SLC39A8: variants seen among roughly 807,000 people sequenced by gnomAD.
SLC39A8 encodes the protein solute carrier family 39 member 8.
In SLC39A8, 15 loss-of-function variants were observed where a neutral mutation model predicts 40.4. That is an observed-to-expected ratio of 0.37 (90% CI 0.25 to 0.57). The LOEUF is 0.57. Among genes scored for constraint, SLC39A8 ranks in the 20% least tolerant of loss-of-function variants. The pLI is 0.75. For synonymous variants in SLC39A8, 223 were observed against 221.6 expected (o/e 1.01, Z -0.06); for missense variants, 472 against 558.8 (o/e 0.84, Z 1.57).
At chr4:102,275,589 A>G (rs893528249) in intron 6 of SLC39A8, among the ~76,000 whole-genome samples, 7 of 152,200 alleles carry the variant, frequency 4.6e-5, no homozygotes, top group African/African-American at 1.2e-4. Context: ...ACAGAAAATT[A>G]ACAAGGATAT....
rs1197781025 is a variant in SLC39A8 at position 102,262,541 on chromosome 4, T to C, written c.*503A>G. The C allele has an allele frequency of 2.0e-6, 2 of 985,292 alleles. No homozygotes were observed. The highest frequency in any genetic ancestry group is 3.5e-5 in the African/African-American group (2 of 57,232). The allele number at this position is 985,292 out of a possible 1,614,324, so 61.0% of individuals were successfully genotyped here. On this transcript the variant is annotated 3_prime_UTR_variant, in exon 9 of 9. Coordinates refer to ENST00000356736, the MANE Select transcript of SLC39A8 (RefSeq NM_001135146.2). The stretch of plus-strand genomic sequence containing the variant: ...AGAAATCTTTTTTTTCTTTGGCTCC[T>C]TAAAGACTTGGAATAATTTATATTA...
chr4:102,251,776 T>C (rs1288594922), exon 12 of SLC39A8: 2 of 152,228 alleles, frequency 1.3e-5, no homozygotes, highest in Non-Finnish European at 2.9e-5. Context: ...TACAGAATTC[T>C]CTCAGTTCCA....
intron 4 of SLC39A8, 74 bp downstream of exon 4, chr4:102,307,362 G>T (rs1734225112): frequency 3.3e-6 from 5 of 1,527,032 alleles, no homozygotes; most frequent in South Asian, 2.4e-5. Context: ...AATTATGGAG[G>T]CTAAAAACAT....
At chr4:102,312,418 G>A (rs902012691) in intron 3 of SLC39A8, among the ~76,000 whole-genome samples, 1 of 152,002 alleles carries the variant, frequency 6.6e-6, no homozygotes, top group African/African-American at 2.4e-5. Context: ...TTATGACTTT[G>A]TAGTGTTGTC....
intron 6 of SLC39A8, among the ~76,000 whole-genome samples, chr4:102,279,582 T>C (rs1470969543): frequency 6.6e-6 from 1 of 152,068 alleles, no homozygotes; most frequent in African/African-American, 2.4e-5. Flanking sequence ...ACTCATCCAG[T>C]CAAGGTGATG....
intron 3 of SLC39A8, among the ~76,000 whole-genome samples, chr4:102,312,693 A>G (rs1357703379): frequency 6.6e-6 from 1 of 152,154 alleles, no homozygotes; most frequent in Non-Finnish European, 1.5e-5. Context: ...AGACCTAACT[A>G]ACAGGCCTAC....
rs771819293 is a variant in SLC39A8, at chr4:102,267,528, C to A, written c.1195G>T (p.Ala399Ser). ...NFAPNIIFAL[A>S]GGMFLYISLA... is the part of the protein sequence containing the mutation. Reference sequence around the variant, plus strand: ...GAAATATAGAGGAACATGCCTCCAGCAAGTGCAAATATAATATTTGGAGCG... The same window carrying A: ...GAAATATAGAGGAACATGCCTCCAGAAAGTGCAAATATAATATTTGGAGCG... Residue 399 changes from alanine (A) to serine (S), a missense_variant, in exon 8 of 9, where the codon GCT becomes TCT. By Grantham distance (99) the Ala-to-Ser change is moderately conservative. Coordinates refer to ENST00000356736, the MANE Select transcript of SLC39A8 (RefSeq NM_001135146.2). 1.2e-6 allele frequency: 2 copies of A among 1,613,032 alleles called. No individual in the cohort carries two copies. Among genetic ancestry groups the A allele is most frequent in the Non-Finnish European group, 1.7e-6 (2 of 1,179,690 alleles).
intron 6 of SLC39A8, among the ~76,000 whole-genome samples, chr4:102,281,327 C>T (rs1732859034): frequency 6.6e-6 from 1 of 152,134 alleles, no homozygotes; most frequent in Non-Finnish European, 1.5e-5. Context: ...CAGAATAATT[C>T]ATATGAGAAA....
chr4:102,326,895 T>G (rs1004862097), intron 2 of SLC39A8, among the ~76,000 whole-genome samples: 2 of 152,172 alleles, frequency 1.3e-5, no homozygotes, highest in Non-Finnish European at 2.9e-5. Flanking sequence ...TTGTTTCTAC[T>G]GATGCATCAC....
At position 102,263,851 on chromosome 4, in the gene SLC39A8, G is replaced by A. The variant is rs550238188; in HGVS notation, c.1234-658C>T. 7.9e-5 allele frequency among the ~76,000 whole-genome samples: 12 copies of A among 152,226 alleles called. No individual in the cohort carries two copies. The South Asian group carries it at 8.3e-4, about 11-fold the overall frequency. On this transcript the variant is annotated intron_variant, in intron 8 of 8. Transcript: ENST00000356736. ...TCAAGAAATCACTGTTTGTTCCTCC[G>A]TAAGAAGCAACCCCTCATTCATTCT...
At chr4:102,281,194 A>G (rs1224395418) in intron 6 of SLC39A8, among the ~76,000 whole-genome samples, 1 of 152,178 alleles carries the variant, frequency 6.6e-6, no homozygotes, top group East Asian at 1.9e-4. Context: ...TCTTAAAGGG[A>G]TTCAGGAGGC....
intron 2 of SLC39A8, among the ~76,000 whole-genome samples, chr4:102,316,736 A>G (rs764699464): frequency 6.6e-6 from 1 of 152,176 alleles, no homozygotes; most frequent in Non-Finnish European, 1.5e-5. Flanking sequence ...ATAAGACCTT[A>G]GCTATGTACT....
chr4:102,317,525 A>G (rs1459346950), intron 2 of SLC39A8, among the ~76,000 whole-genome samples: 1 of 152,168 alleles, frequency 6.6e-6, no homozygotes, highest in East Asian at 1.9e-4. Context: ...GGGAGAAAAT[A>G]CCTCAAGATT....
chr4:102,330,549 A>C (rs1735404619), intron 2 of SLC39A8, among the ~76,000 whole-genome samples: 1 of 152,172 alleles, frequency 6.6e-6, no homozygotes, highest in African/African-American at 2.4e-5. Context: ...CAATCAAAAA[A>C]AGTCCAGGAC....
downstream of SLC39A8, among the ~76,000 whole-genome samples, chr4:102,257,068 T>C (rs1008133419): frequency 6.6e-6 from 1 of 152,114 alleles, no homozygotes; most frequent in Non-Finnish European, 1.5e-5. Flanking sequence ...TAAGCATTTA[T>C]AAACTTCAAC....
At chr4:102,311,978 G>C (rs1734454415) in intron 3 of SLC39A8, among the ~76,000 whole-genome samples, 2 of 152,016 alleles carry the variant, frequency 1.3e-5, no homozygotes, top group Non-Finnish European at 2.9e-5. Flanking sequence ...GGAATGTGGT[G>C]AACCTATGAA....
intron 2 of SLC39A8, among the ~76,000 whole-genome samples, chr4:102,320,366 G>GAA (rs1491215367): frequency 8.5e-6 from 1 of 117,510 alleles, no homozygotes; most frequent in East Asian, 2.3e-4. Flanking sequence ...ATATATATGA[G>GAA]TATATATATA....
At chr4:102,294,669 C>T (rs1192016611) in intron 6 of SLC39A8, among the ~76,000 whole-genome samples, 1 of 151,974 alleles carries the variant, frequency 6.6e-6, no homozygotes, top group Non-Finnish European at 1.5e-5. Flanking sequence ...GCCATAGAAG[C>T]AACCCTTATT....
At chr4:102,272,174 C>T (rs1458349194) in intron 6 of SLC39A8, among the ~76,000 whole-genome samples, 1 of 151,944 alleles carries the variant, frequency 6.6e-6, no homozygotes, top group Non-Finnish European at 1.5e-5. Flanking sequence ...CTCGTCTATA[C>T]AAAAAATATA....
Sources: gnomAD v4.1 joint callset for allele counts (sites outside exome capture counted in the v4.1 genomes callset) on GRCh38, gnomAD v4.1.1 for gene constraint, MANE v1.5 for transcripts, NCBI Gene and HGNC (gene_info 2026-07-23, HGNC 2026-07-21) for gene names.